The following RAB6A variants were observed in gnomAD, a reference collection of about 807,000 sequenced individuals.
RAB6A encodes RAB6A, member RAS oncogene family.
A neutral mutation model predicts 32.3 loss-of-function variants in RAB6A; 8 were observed. The ratio of observed to expected loss-of-function variants is 0.25; its 90% confidence interval spans 0.15 to 0.45. RAB6A has a LOEUF of 0.45. RAB6A is among the 20% of genes least tolerant of loss of function. The pLI is 1.00. For synonymous variants in RAB6A, 73 were observed against 82.1 expected (o/e 0.89, Z 0.60); for missense variants, 104 against 249.4 (o/e 0.42, Z 3.93).
At chr11:73,748,099 C>G (rs977084730) in intron 1 of RAB6A, among the ~76,000 whole-genome samples, 2 of 152,144 alleles carry the variant, frequency 1.3e-5, no homozygotes, top group Admixed American at 1.3e-4. Context: ...AGGGATCTTA[C>G]CTGCAGCAGT....
chr11:73,743,815 C>T (rs1189349834), intron 1 of RAB6A, among the ~76,000 whole-genome samples: 7 of 152,240 alleles, frequency 4.6e-5, no homozygotes, highest in Admixed American at 2.6e-4. Flanking sequence ...TTCCTGGTTA[C>T]ATTATTAGCT....
Position 73,739,263 on chromosome 11 carries a change from T to TAAAAAAA in RAB6A, c.71-8447_71-8441dup, listed in dbSNP as rs58629008. Among the ~76,000 whole-genome samples, 16 of 9,384 alleles carry TAAAAAAA rather than the reference T, an allele frequency of 1.7e-3. 1 individual carries two copies. Among genetic ancestry groups the TAAAAAAA allele is most frequent in the African/African-American group, 2.9e-3 (8 of 2,798 alleles). 6.2% of individuals were successfully genotyped at this position (9,384 alleles called of 152,430 possible). Reference sequence around the variant, plus strand: ...GCAAAAAAAAAATAGTAATAATAATTAAAAAAAAAAAAAAAAAAAAAATAT... The same window carrying TAAAAAAA: ...GCAAAAAAAAAATAGTAATAATAATTAAAAAAAAAAAAAAAAAAAAAAAAAAAAATAT... On this transcript the variant is annotated intron_variant, in intron 1 of 7. Coordinates refer to ENST00000336083, the MANE Select transcript of RAB6A (RefSeq NM_198896.2).
chr11:73,709,950 C>CACACATATAT (rs1555058393), intron 5 of RAB6A, among the ~76,000 whole-genome samples: 4 of 57,408 alleles, frequency 7.0e-5, no homozygotes, highest in Admixed American at 2.3e-4. Flanking sequence ...CACACACACA[C>CACACATATAT]ATATATATAT....
chr11:73,722,303 GTGTATATATATATATATATATA>G (rs1565364746), intron 2 of RAB6A: 34 of 13,912 alleles, frequency 2.4e-3, no homozygotes, highest in African/African-American at 7.0e-3. Context: ...ATATGTGTGT[GTGTATATATATATATATATATA>G]TATATATATA....
chr11:73,723,952 ATTTT>A (rs925024571), intron 2 of RAB6A, among the ~76,000 whole-genome samples: 1 of 152,082 alleles, frequency 6.6e-6, no homozygotes, highest in Non-Finnish European at 1.5e-5. Flanking sequence ...AATATATAAG[ATTTT>A]TTTTAGTTAC....
At chr11:73,688,802 TTAAC>T (rs1259675626) in intron 6 of RAB6A, among the ~76,000 whole-genome samples, 13 of 152,348 alleles carry the variant, frequency 8.5e-5, no homozygotes, top group Admixed American at 3.9e-4. Context: ...CCTGAAGAGA[TTAAC>T]TCAGAGTCTA....
At chr11:73,707,719 T>G (rs1002599850) in intron 5 of RAB6A, among the ~76,000 whole-genome samples, 11 of 152,218 alleles carry the variant, frequency 7.2e-5, no homozygotes, top group African/African-American at 7.2e-5. Flanking sequence ...GACTTTTTTT[T>G]GTTACTGATT....
At chr11:73,698,839 T>A (rs556705188) in intron 6 of RAB6A, among the ~76,000 whole-genome samples, 279 of 145,352 alleles carry the variant, frequency 1.9e-3, no homozygotes, top group African/African-American at 6.3e-3. Context: ...GCTCAGATAC[T>A]TTTTTTGCGA....
At chr11:73,728,697 C>G (rs1308757463) in intron 2 of RAB6A, among the ~76,000 whole-genome samples, 1 of 149,856 alleles carries the variant, frequency 6.7e-6, no homozygotes, top group Non-Finnish European at 1.5e-5. Context: ...TTGCTGGATT[C>G]AGTTTGGTTG....
chr11:73,728,087 T>TA (rs34674019), intron 2 of RAB6A, among the ~76,000 whole-genome samples: 1 of 152,230 alleles, frequency 6.6e-6, no homozygotes, highest in Non-Finnish European at 1.5e-5. Flanking sequence ...AAAAAAATTT[T>TA]AAAGAGTTAA....
intron 6 of RAB6A, among the ~76,000 whole-genome samples, chr11:73,700,144 T>C (rs1039998144): frequency 6.6e-6 from 1 of 152,192 alleles, no homozygotes; most frequent in Non-Finnish European, 1.5e-5. Context: ...ACAAAATATA[T>C]AATAAGGTGA....
chr11:73,702,421 A>G (rs1945760348), intron 6 of RAB6A, among the ~76,000 whole-genome samples: 1 of 152,162 alleles, frequency 6.6e-6, no homozygotes, highest in Admixed American at 6.6e-5. Context: ...ATCCTCCCAC[A>G]TCCACCTCCT....
intron 7 of RAB6A, 81 bp downstream of exon 7, chr11:73,679,573 A>G (rs17132305): frequency 0.061 from 93,913 of 1,541,032 alleles, 3,713 homozygotes; most frequent in East Asian, 0.16. Context: ...AGGCAATGGC[A>G]CAATATTCTT....
intron 5 of RAB6A, among the ~76,000 whole-genome samples, chr11:73,714,663 A>AAAAT (rs200450428): frequency 2.5e-4 from 38 of 151,396 alleles, no homozygotes; most frequent in African/African-American, 8.7e-4. Context: ...CTCCAACTCA[A>AAAAT]AAATAAATAA....
intron 1 of RAB6A, among the ~76,000 whole-genome samples, chr11:73,731,684 TTATATATATATATATA>T (rs1157961323): frequency 9.6e-4 from 14 of 14,516 alleles, no homozygotes; most frequent in African/African-American, 1.9e-3. Flanking sequence ...TAGATAGATA[TTATATATATATATATA>T]TATATATATA....
chr11:73,754,148 T>C (rs1946709643), intron 1 of RAB6A, among the ~76,000 whole-genome samples: 1 of 152,232 alleles, frequency 6.6e-6, no homozygotes, highest in African/African-American at 2.4e-5. Context: ...TGCTAAAACA[T>C]GAAACCTAGA....
intron 1 of RAB6A, among the ~76,000 whole-genome samples, chr11:73,754,325 C>T (rs1017645281): frequency 1.3e-5 from 2 of 152,238 alleles, no homozygotes; most frequent in African/African-American, 4.8e-5. Flanking sequence ...GAGTGGTCTA[C>T]TGACCCCTTA....
chr11:73,699,257 T>G (rs1369207763), intron 6 of RAB6A, among the ~76,000 whole-genome samples: 1 of 152,042 alleles, frequency 6.6e-6, no homozygotes, highest in Non-Finnish European at 1.5e-5. Flanking sequence ...GTTTTGCTTC[T>G]CTCCTTTTTA....
chr11:73,707,328 T>G (rs1167175875), intron 6 of RAB6A, 92 bp downstream of exon 6: 8 of 855,496 alleles, frequency 9.4e-6, no homozygotes, highest in Non-Finnish European at 1.3e-5. Context: ...GGCCTGCTCT[T>G]GCCAGGTGGA....
Sources: allele counts gnomAD v4.1 joint callset (sites outside exome capture counted in the v4.1 genomes callset), GRCh38; gene constraint gnomAD v4.1.1; transcripts MANE v1.5; gene names NCBI Gene and HGNC (gene_info 2026-07-23, HGNC 2026-07-21).